The following EMSY variants were observed in gnomAD, a reference collection of about 807,000 sequenced individuals.
EMSY encodes BRCA2-interacting transcriptional repressor EMSY.
EMSY carries 26 observed loss-of-function variants against 134.6 expected under a neutral mutation model. The ratio of observed to expected loss-of-function variants is 0.19; its 90% CI spans 0.14 to 0.27. The LOEUF (loss-of-function observed/expected upper bound fraction) is 0.27. Ranked by LOEUF, EMSY falls within the 10% of genes least tolerant of loss-of-function variation. The pLI is 1.00. For missense variants in EMSY, 1,305 were observed against 1,611.4 expected (o/e 0.81, Z 3.26); for synonymous variants, 579 against 577.8 (o/e 1.00, Z -0.03).
At chr11:76,543,431 A>T (rs949403338) in intron 18 of EMSY, among the ~76,000 whole-genome samples, 6 of 152,180 alleles carry the variant, frequency 3.9e-5, no homozygotes, top group Non-Finnish European at 7.4e-5. Flanking sequence ...AGGGAAGCCA[A>T]CTGGCTGGAG....
chr11:76,456,122 C>T (rs1037393468), intron 4 of EMSY, among the ~76,000 whole-genome samples: 1 of 152,280 alleles, frequency 6.6e-6, no homozygotes, highest in African/African-American at 2.4e-5. Flanking sequence ...TAAAGTATCT[C>T]AGTGAAGCCC....
At chr11:76,459,556 C>G (rs559988034) in intron 5 of EMSY, 1 of 161,964 alleles carries the variant, frequency 6.2e-6, no homozygotes, top group South Asian at 1.9e-4. Context: ...AATTATCCAC[C>G]CATATCATTG....
At position 76,495,126 on chromosome 11, in the gene EMSY, G is replaced by A. The variant is rs534822058; in HGVS notation, c.1109-1089G>A. ...CAGGGCAAGGAAAAATTCAACAAGT[G>A]AGGATGCTGAGGTCTAGAGAGTCAT... On this transcript the variant is annotated intron_variant, in intron 8 of 20. Transcript: ENST00000334736. 3.0e-4 allele frequency among the ~76,000 whole-genome samples: 45 copies of A among 152,352 alleles called. 1 individual carries two copies. The South Asian group carries it at 8.9e-3, about 30-fold the overall frequency.
chr11:76,502,085 T>C (rs916380316), intron 9 of EMSY, among the ~76,000 whole-genome samples: 2 of 139,866 alleles, frequency 1.4e-5, no homozygotes, highest in African/African-American at 5.3e-5. Flanking sequence ...GAATCCTATA[T>C]CCAGCAAAGC....
intron 7 of EMSY, among the ~76,000 whole-genome samples, chr11:76,467,396 C>T (rs1316558565): frequency 6.6e-6 from 1 of 152,206 alleles, no homozygotes; most frequent in African/African-American, 2.4e-5. Context: ...AGCGTACCTA[C>T]CTCCCATCCA....
intron 6 of EMSY, chr11:76,460,506 T>A (rs1330866475): frequency 6.5e-6 from 1 of 153,090 alleles, no homozygotes; most frequent in Non-Finnish European, 1.5e-5. Flanking sequence ...AGTGAAACAT[T>A]CTAGAGAGCC....
At chr11:76,469,975 A>G (rs747609949) in intron 7 of EMSY, among the ~76,000 whole-genome samples, 1 of 152,202 alleles carries the variant, frequency 6.6e-6, no homozygotes, top group African/African-American at 2.4e-5. Context: ...TGATGCCTCA[A>G]ATAATTAACT....
chr11:76,463,099 T>C (rs1188880191), intron 6 of EMSY, among the ~76,000 whole-genome samples: 3 of 143,002 alleles, frequency 2.1e-5, no homozygotes, highest in African/African-American at 7.9e-5. Flanking sequence ...GTGGATCACC[T>C]GAGGTCAGGA....
chr11:76,496,800 G>T, intron 9 of EMSY: 2 of 343,238 alleles, frequency 5.8e-6, no homozygotes, highest in Non-Finnish European at 1.1e-5. Flanking sequence ...AGATTCCTTG[G>T]GATTTTCTGT....
intron 5 of EMSY, chr11:76,459,036 T>A (rs1340671006): frequency 6.6e-6 from 1 of 152,108 alleles, no homozygotes; most frequent in Admixed American, 6.5e-5. Context: ...TGGAACAGAG[T>A]AAGACACTTT....
chr11:76,523,373 G>A (rs1950716799), intron 12 of EMSY, 82 bp downstream of exon 13: 5 of 1,473,572 alleles, frequency 3.4e-6, no homozygotes, highest in Non-Finnish European at 4.5e-6. Context: ...ACAAGGACTT[G>A]AGAAGCCCAC....
At chr11:76,530,155 GTTTTTTTTTT>G (rs61227279) in intron 14 of EMSY, among the ~76,000 whole-genome samples, 1 of 114,350 alleles carries the variant, frequency 8.7e-6, no homozygotes, top group Non-Finnish European at 1.7e-5. Flanking sequence ...AATCTTTAGG[GTTTTTTTTTT>G]TTTTTTTTTT....
intron 11 of EMSY, among the ~76,000 whole-genome samples, chr11:76,518,701 ATATT>A (rs1419496511): frequency 3.3e-5 from 4 of 120,470 alleles, no homozygotes; most frequent in African/African-American, 9.9e-5. Flanking sequence ...ATATATATAT[ATATT>A]TTTTTTTTAA....
intron 14 of EMSY, among the ~76,000 whole-genome samples, chr11:76,534,890 GA>G (rs1216145594): frequency 1.3e-5 from 2 of 152,120 alleles, no homozygotes; most frequent in African/African-American, 2.4e-5. Flanking sequence ...TTGGACAAAG[GA>G]GTTTAGGAAG....
At chr11:76,533,940 G>GT (rs1357875864) in intron 14 of EMSY, among the ~76,000 whole-genome samples, 2 of 152,086 alleles carry the variant, frequency 1.3e-5, no homozygotes, top group African/African-American at 4.8e-5. Flanking sequence ...TTAAAGATGG[G>GT]TTTTCACATA....
intron 8 of EMSY, among the ~76,000 whole-genome samples, chr11:76,490,434 G>A (rs912870439): frequency 1.3e-5 from 2 of 152,160 alleles, no homozygotes; most frequent in African/African-American, 4.8e-5. Context: ...GTGGGATGAC[G>A]AGAGGCGGAA....
At chr11:76,463,629 C>CAAAA (rs567081751) in intron 6 of EMSY, among the ~76,000 whole-genome samples, 192 bp from the exon 8 acceptor site, 2 of 94,872 alleles carry the variant, frequency 2.1e-5, no homozygotes, top group Non-Finnish European at 2.2e-5. Context: ...GACTCCGTCT[C>CAAAA]AAAAAAAAAA....
At chr11:76,474,172 C>T (rs1428533007) in intron 8 of EMSY, among the ~76,000 whole-genome samples, 2 of 150,728 alleles carry the variant, frequency 1.3e-5, no homozygotes, top group African/African-American at 4.9e-5. Context: ...TCCATTTTAG[C>T]TTAGTTTCTT....
intron 8 of EMSY, among the ~76,000 whole-genome samples, chr11:76,475,704 A>G (rs1459762751): frequency 6.6e-6 from 1 of 152,200 alleles, no homozygotes; most frequent in African/African-American, 2.4e-5. Flanking sequence ...TAAACAAGGT[A>G]AATATTGATG....
Sources: allele counts gnomAD v4.1 joint callset (sites outside exome capture counted in the v4.1 genomes callset), GRCh38; gene constraint gnomAD v4.1.1; transcripts MANE v1.5; gene names NCBI Gene and HGNC (gene_info 2026-07-23, HGNC 2026-07-21).